The following ZNF536 variants were observed in gnomAD, a reference collection of about 807,000 sequenced individuals.
ZNF536 encodes zinc finger protein 536.
ZNF536 carries 13 observed loss-of-function variants against 84.5 expected under a neutral mutation model. The observed-to-expected ratio is 0.15, with a 90% confidence interval of 0.10 to 0.24. The LOEUF is 0.24. ZNF536 is among the 10% of genes least tolerant of loss of function. ZNF536 has a pLI of 1.00. For missense variants in ZNF536, 1,536 were observed against 1,747.5 expected (o/e 0.88, Z 2.16); for synonymous variants, 811 against 742.5 (o/e 1.09, Z -1.50).
chr19:30,485,449 A>G (rs1006508722), intron 2 of ZNF536, among the ~76,000 whole-genome samples: 1 of 152,200 alleles, frequency 6.6e-6, no homozygotes, highest in African/African-American at 2.4e-5. Context: ...TTTAGCTAGC[A>G]ACTCCCAGCC....
At chr19:30,370,728 G>T (rs2048583854), upstream of ZNF536, among the ~76,000 whole-genome samples, 1 of 152,172 alleles carries the variant, frequency 6.6e-6, no homozygotes, top group African/African-American at 2.4e-5. Flanking sequence ...GCCAGTAGGT[G>T]AAACAGCTAT....
At chr19:30,510,101 C>T (rs998441560) in intron 2 of ZNF536, among the ~76,000 whole-genome samples, 50 of 151,956 alleles carry the variant, frequency 3.3e-4, no homozygotes, top group African/African-American at 1.1e-3. Context: ...TTCATATCAC[C>T]GAAACTTCAG....
chr19:30,627,505 G>GAAAAAAAAAAAAAAAAAAAAA, intron 1 of ZNF536, among the ~76,000 whole-genome samples: 1 of 123,846 alleles, frequency 8.1e-6, no homozygotes, highest in Admixed American at 8.4e-5. Flanking sequence ...AAAAAAAAAG[G>GAAAAAAAAAAAAAAAAAAAAA]CTTTCTATGC....
At chr19:30,308,274 T>G (rs2046399428) in intron 2 of ZNF536, among the ~76,000 whole-genome samples, 1 of 152,180 alleles carries the variant, frequency 6.6e-6, no homozygotes, top group African/African-American at 2.4e-5. Context: ...ATACTCACAA[T>G]GTGGACTGAG....
intron 1 of ZNF536, among the ~76,000 whole-genome samples, chr19:30,596,674 A>G (rs1018236756): frequency 5.3e-5 from 8 of 150,780 alleles, no homozygotes; most frequent in African/African-American, 2.0e-4. Flanking sequence ...CAAAAAGGGA[A>G]AAAAAAAAGT....
chr19:30,314,010 T>C (rs1263419546), intron 2 of ZNF536, among the ~76,000 whole-genome samples: 1 of 152,232 alleles, frequency 6.6e-6, no homozygotes, highest in African/African-American at 2.4e-5. Context: ...AACGCTCCTT[T>C]GGGACTGTCA....
chr19:30,359,422 C>T (rs904213491), intron 3 of ZNF536, among the ~76,000 whole-genome samples: 6 of 152,212 alleles, frequency 3.9e-5, no homozygotes, highest in African/African-American at 1.4e-4. Flanking sequence ...CCTGAGTTCT[C>T]CTGCTGCTGA....
At position 30,567,678 on chromosome 19, in the gene ZNF536, C is replaced by T. The variant is rs59651813; in HGVS notation, c.169+18164C>T. ...CCAGCTGCCCCTCCCTGCCCCCAAC[C>T]GCGACAGCAGCGGAGGTCAGACCAG... is the stretch of plus-strand genomic sequence containing the variant. On this transcript the variant is annotated intron_variant, in intron 1 of 1. Coordinates refer to the ZNF536 transcript ENST00000592773. Among the ~76,000 whole-genome samples, 1,094 of 152,222 alleles carry T rather than the reference C, an allele frequency of 7.2e-3. 11 individuals carry two copies. Among genetic ancestry groups the T allele is most frequent in the African/African-American group, 0.025 (1,048 of 41,536 alleles).
Position 30,682,149 on chromosome 19 carries a change from A to C in ZNF536, c.170-28608A>C, listed in dbSNP as rs573381084. Among the ~76,000 whole-genome samples, 10 of 152,202 alleles carry C rather than the reference A, an allele frequency of 6.6e-5. No homozygotes were observed. The South Asian group carries it at 2.1e-3, about 32-fold the overall frequency. On this transcript the variant is annotated intron_variant, in intron 1 of 1. Transcript: ENST00000592773. ...AAAAAGCTGCATCTTCAAATCTCCA[A>C]ACCAAGGAGCTCACTGGGTTCTGAC...
intron 1 of ZNF536, among the ~76,000 whole-genome samples, chr19:30,416,497 G>A (rs944435280): frequency 2.0e-5 from 3 of 152,104 alleles, no homozygotes; most frequent in Admixed American, 1.3e-4. Context: ...ATGCTCATTG[G>A]CTCTTACTGT....
At chr19:30,431,603 A>G (rs2051461652) in intron 1 of ZNF536, among the ~76,000 whole-genome samples, 2 of 152,356 alleles carry the variant, frequency 1.3e-5, no homozygotes, top group East Asian at 3.9e-4. Context: ...GCACCGAATC[A>G]AATCTGAGGC....
intron 3 of ZNF536, among the ~76,000 whole-genome samples, chr19:30,352,649 G>T (rs371926266): frequency 6.6e-6 from 1 of 151,950 alleles, no homozygotes; most frequent in Non-Finnish European, 1.5e-5. Flanking sequence ...TAGGAGTCCC[G>T]TACCTGCCCA....
rs147534505 is a variant in ZNF536 at position 30,450,293 on chromosome 19, T to C, written c.2170+4561T>C. ...CAAAAGCCAAACTTTATACCGGAGC[T>C]CGGGGAGGCTGCAGCAACAGGGGGC... On this transcript the variant is annotated intron_variant, in intron 2 of 4. Coordinates refer to ENST00000355537, the MANE Select transcript of ZNF536 (RefSeq NM_014717.3). 7.4e-4 allele frequency among the ~76,000 whole-genome samples: 111 copies of C among 150,724 alleles called. 3 individuals carry two copies. The East Asian group carries it at 0.021, about 28-fold the overall frequency.
chr19:30,711,509 C>G (rs1196336968), exon 2 of ZNF536: 2 of 152,140 alleles, frequency 1.3e-5, no homozygotes, highest in African/African-American at 4.8e-5. Flanking sequence ...CAGACTGGAG[C>G]GGTCACTGCA....
At chr19:30,424,567 G>A (rs1411878571) in intron 1 of ZNF536, among the ~76,000 whole-genome samples, 1 of 152,124 alleles carries the variant, frequency 6.6e-6, no homozygotes, top group Non-Finnish European at 1.5e-5. Context: ...AGGGACGTTT[G>A]GCTGTAGATC....
chr19:30,395,306 T>C (rs1056072351), intron 1 of ZNF536, among the ~76,000 whole-genome samples: 17 of 152,204 alleles, frequency 1.1e-4, no homozygotes, highest in African/African-American at 3.9e-4. Flanking sequence ...AACTAGAACA[T>C]AGAAGTGGCA....
intron 1 of ZNF536, among the ~76,000 whole-genome samples, chr19:30,695,925 G>GT (rs2051638571): frequency 6.6e-6 from 1 of 152,166 alleles, no homozygotes; most frequent in Non-Finnish European, 1.5e-5. Flanking sequence ...TTAGCCCAAT[G>GT]TTCCTAAGGA....
intron 2 of ZNF536, among the ~76,000 whole-genome samples, chr19:30,517,275 G>A (rs2044119043): frequency 6.6e-6 from 1 of 152,166 alleles, no homozygotes; most frequent in Admixed American, 6.5e-5. Flanking sequence ...ACGAGAATTA[G>A]TCTGGAGGCT....
chr19:30,302,443 T>C (rs2046215656), intron 2 of ZNF536, among the ~76,000 whole-genome samples: 1 of 152,176 alleles, frequency 6.6e-6, no homozygotes, highest in Admixed American at 6.5e-5. Context: ...CACAGTGACC[T>C]GGGTTGTCAC....
Sources: allele counts gnomAD v4.1 joint callset (sites outside exome capture counted in the v4.1 genomes callset), GRCh38; gene constraint gnomAD v4.1.1; transcripts MANE v1.5; gene names NCBI Gene and HGNC (gene_info 2026-07-23, HGNC 2026-07-21).